Variants in HS3ST2 observed in about 807,000 individuals in gnomAD.
HS3ST2 encodes the protein heparan sulfate-glucosamine 3-sulfotransferase 2.
A neutral mutation model predicts 26.3 loss-of-function variants in HS3ST2; 17 were observed. The ratio of observed to expected loss-of-function variants is 0.65; its 90% CI spans 0.44 to 0.97. The LOEUF (loss-of-function observed/expected upper bound fraction) is 0.97, where lower values mean the gene tolerates loss of function less well. Among genes scored for constraint, HS3ST2 ranks in the 50% least tolerant of loss-of-function variants. The probability of loss-of-function intolerance (pLI) is 0.00; values close to 1 mark genes in which losing one functional copy is unlikely to be tolerated. For missense variants in HS3ST2, 402 were observed against 501.2 expected (o/e 0.80, Z 1.89); for synonymous variants, 237 against 219.2 (o/e 1.08, Z -0.72).
intron 1 of HS3ST2, among the ~76,000 whole-genome samples, chr16:22,846,225 C>T (rs557502009): frequency 2.0e-5 from 3 of 151,412 alleles, no homozygotes; most frequent in South Asian, 2.1e-4. Flanking sequence ...TGCAGTGAGC[C>T]GAGATCATGC....
At chr16:22,848,833 C>T (rs139557792) in intron 1 of HS3ST2, among the ~76,000 whole-genome samples, 3 of 152,334 alleles carry the variant, frequency 2.0e-5, no homozygotes, top group African/African-American at 4.8e-5. Context: ...AGGGAAGGAA[C>T]CCTGACACCG....
At chr16:22,895,788 A>G (rs554911021) in intron 1 of HS3ST2, among the ~76,000 whole-genome samples, 2 of 151,674 alleles carry the variant, frequency 1.3e-5, no homozygotes, top group South Asian at 2.1e-4. Flanking sequence ...ATTTTCCAGT[A>G]TTTTGGAAGG....
In HS3ST2 at chr16:22,814,655, G is replaced by T; in HGVS notation, c.45G>T (p.Arg15=). The T allele has an allele frequency of 6.4e-7, 1 of 1,565,892 alleles. No homozygotes were observed. Among genetic ancestry groups the T allele is most frequent in the South Asian group, 1.2e-5 (1 of 85,132 alleles). ...GCCGCGCGGGGCCACCTCAGCCGCGGAGGGCGCGCAGGCTGCTCTTCGCCT... is the reference window on the plus strand; with the variant it reads ...GCCGCGCGGGGCCACCTCAGCCGCGTAGGGCGCGCAGGCTGCTCTTCGCCT... The part of the protein sequence containing the change: ...VLGRAGPPQP[R]RARRLLFAFT... Residue 15 remains arginine, a synonymous_variant, in exon 1 of 2, where the codon CGG becomes CGT. Transcript: ENST00000261374.
chr16:22,843,156 A>ATGTG (rs398038424), intron 1 of HS3ST2, among the ~76,000 whole-genome samples: 109 of 150,124 alleles, frequency 7.3e-4, no homozygotes, highest in Middle Eastern at 3.4e-3. Flanking sequence ...AGATGTATGT[A>ATGTG]TGTGTGTGTG....
At chr16:22,867,872 A>C (rs2075875476) in intron 1 of HS3ST2, among the ~76,000 whole-genome samples, 2 of 152,218 alleles carry the variant, frequency 1.3e-5, no homozygotes, top group Admixed American at 6.5e-5. Flanking sequence ...GTATAGTTTT[A>C]TTTGACTATT....
chr16:22,862,074 G>A (rs1219382399), intron 1 of HS3ST2, among the ~76,000 whole-genome samples: 1 of 152,174 alleles, frequency 6.6e-6, no homozygotes, highest in Non-Finnish European at 1.5e-5. Flanking sequence ...ATGAGTAGGG[G>A]TTTTTCTCTG....
intron 1 of HS3ST2, among the ~76,000 whole-genome samples, chr16:22,839,990 C>T (rs1901329105): frequency 6.6e-6 from 1 of 152,062 alleles, no homozygotes; most frequent in South Asian, 2.1e-4. Context: ...CAAAATAAGA[C>T]CAAAAGTAGC....
intron 1 of HS3ST2, among the ~76,000 whole-genome samples, chr16:22,817,544 A>G (rs1390749250): frequency 6.6e-6 from 1 of 152,244 alleles, no homozygotes; most frequent in Non-Finnish European, 1.5e-5. Flanking sequence ...TTAACTGCAG[A>G]AATCATGGGG....
At chr16:22,848,288 CTT>C (rs1455863168) in intron 1 of HS3ST2, among the ~76,000 whole-genome samples, 1 of 152,186 alleles carries the variant, frequency 6.6e-6, no homozygotes, top group Non-Finnish European at 1.5e-5. Context: ...GGCAAGAAGA[CTT>C]CTGATGGCTA....
At chr16:22,879,544 G>A (rs113293690) in intron 1 of HS3ST2, among the ~76,000 whole-genome samples, 2 of 152,242 alleles carry the variant, frequency 1.3e-5, no homozygotes, top group East Asian at 1.9e-4. Flanking sequence ...TCCACCTCAG[G>A]GATCGGACAC....
intron 1 of HS3ST2, among the ~76,000 whole-genome samples, chr16:22,884,298 C>A (rs1408517860): frequency 6.6e-6 from 1 of 152,086 alleles, no homozygotes; most frequent in Non-Finnish European, 1.5e-5. Flanking sequence ...TAGATAGGAA[C>A]CCAAGGAATA....
chr16:22,912,849 GT>G (rs921010995), intron 1 of HS3ST2, among the ~76,000 whole-genome samples: 1 of 152,056 alleles, frequency 6.6e-6, no homozygotes, highest in Non-Finnish European at 1.5e-5. Context: ...GGGCACACAG[GT>G]GGGCGTGTCT....
chr16:22,914,809 A>T, intron 1 of HS3ST2, 135 bp from the exon 2 acceptor site: 1 of 675,360 alleles, frequency 1.5e-6, no homozygotes, highest in Non-Finnish European at 2.5e-6. Flanking sequence ...GTACCTCACC[A>T]GGTGAAAGCT....
At chr16:22,867,122 C>T (rs933125517) in intron 1 of HS3ST2, among the ~76,000 whole-genome samples, 2 of 151,986 alleles carry the variant, frequency 1.3e-5, no homozygotes, top group Non-Finnish European at 2.9e-5. Context: ...AAGAGAAAAT[C>T]CATTTTAAAA....
chr16:22,825,168 G>C lies in HS3ST2; in HGVS notation c.485+10073G>C, dbSNP rs989880361. On this transcript the variant is annotated intron_variant, in intron 1 of 1. Coordinates refer to ENST00000261374, the MANE Select transcript of HS3ST2 (RefSeq NM_006043.2). ...TCCACCACATGCAAGGTGAGTGTGTGTGCCAACCAGAGGCTTCTCTGTCTC... is the reference window on the plus strand; with the variant it reads ...TCCACCACATGCAAGGTGAGTGTGTCTGCCAACCAGAGGCTTCTCTGTCTC... Among the ~76,000 whole-genome samples, 5 of 152,336 alleles carry C rather than the reference G, an allele frequency of 3.3e-5. No homozygotes were observed. The South Asian group carries it at 1.0e-3, about 32-fold the overall frequency.
chr16:22,850,723 G>T (rs1054766788), intron 1 of HS3ST2, among the ~76,000 whole-genome samples: 1 of 152,172 alleles, frequency 6.6e-6, no homozygotes, highest in Non-Finnish European at 1.5e-5. Context: ...GGAGGCGGAG[G>T]TTGCAGTGAG....
At chr16:22,823,676 A>T (rs1901038202) in intron 1 of HS3ST2, among the ~76,000 whole-genome samples, 1 of 144,860 alleles carries the variant, frequency 6.9e-6, no homozygotes, top group Non-Finnish European at 1.5e-5. Context: ...AGTCCCAACT[A>T]CTTGGGAGGC....
intron 1 of HS3ST2, among the ~76,000 whole-genome samples, chr16:22,831,306 T>A (rs1257289341): frequency 6.6e-6 from 1 of 152,258 alleles, no homozygotes; most frequent in African/African-American, 2.4e-5. Flanking sequence ...GATGGAACTA[T>A]ATTATTTTAT....
intron 1 of HS3ST2, among the ~76,000 whole-genome samples, chr16:22,906,682 C>A (rs1003180043): frequency 2.0e-5 from 3 of 152,194 alleles, no homozygotes; most frequent in Non-Finnish European, 4.4e-5. Context: ...TGAGCCAGAG[C>A]CCCTGTGGGC....
Sources: allele counts gnomAD v4.1 joint callset (sites outside exome capture counted in the v4.1 genomes callset), GRCh38; gene constraint gnomAD v4.1.1; transcripts MANE v1.5; gene names NCBI Gene and HGNC (gene_info 2026-07-23, HGNC 2026-07-21).